Variants in GALNT13 observed in about 807,000 individuals in gnomAD.
The protein encoded by GALNT13 is polypeptide N-acetylgalactosaminyltransferase 13.
GALNT13 carries 28 observed loss-of-function variants against 64.2 expected under a neutral mutation model. The ratio of observed to expected loss-of-function variants is 0.44; its 90% CI spans 0.32 to 0.60. The LOEUF (loss-of-function observed/expected upper bound fraction) is 0.60. Among genes scored for constraint, GALNT13 ranks in the 20% least tolerant of loss-of-function variants. The pLI is 0.05. For synonymous variants in GALNT13, 214 were observed against 224.6 expected (o/e 0.95, Z 0.42); for missense variants, 577 against 669.8 (o/e 0.86, Z 1.53).
the GALNT13 span, among the ~76,000 whole-genome samples, chr2:153,422,776 T>G: frequency 6.6e-6 from 1 of 152,038 alleles, no homozygotes; most frequent in Non-Finnish European, 1.5e-5. Context: ...AATAAAAGTC[T>G]GAGTAATCCT....
At chr2:154,028,592 G>A (rs1472890714) in intron 3 of GALNT13, among the ~76,000 whole-genome samples, 1 of 152,012 alleles carries the variant, frequency 6.6e-6, no homozygotes, top group African/African-American at 2.4e-5. Flanking sequence ...GATTATTTTA[G>A]CCAGTTCATT....
chr2:153,128,359 G>C, the GALNT13 span, among the ~76,000 whole-genome samples: 1 of 152,140 alleles, frequency 6.6e-6, no homozygotes, highest in Non-Finnish European at 1.5e-5. Flanking sequence ...GAAAGAGCTT[G>C]TGCAGGTAAA....
intron 3 of GALNT13, among the ~76,000 whole-genome samples, chr2:154,125,471 C>T (rs2105528668): frequency 6.6e-6 from 1 of 152,182 alleles, no homozygotes; most frequent in South Asian, 2.1e-4. Flanking sequence ...TCAGTTATAT[C>T]TGAATAGTTA....
the GALNT13 span, among the ~76,000 whole-genome samples, chr2:153,336,497 G>T: frequency 1.3e-5 from 2 of 152,138 alleles, no homozygotes; most frequent in African/African-American, 2.4e-5. Context: ...TGCCCCCTTG[G>T]ATTTTGGACT....
the GALNT13 span, among the ~76,000 whole-genome samples, chr2:153,277,422 A>G: frequency 6.6e-6 from 1 of 152,298 alleles, no homozygotes; most frequent in African/African-American, 2.4e-5. Flanking sequence ...TCTGTGGTAT[A>G]TATGTATGAC....
At chr2:153,486,062 C>T in the GALNT13 span, among the ~76,000 whole-genome samples, 5 of 152,166 alleles carry the variant, frequency 3.3e-5, no homozygotes, top group Non-Finnish European at 5.9e-5. Context: ...CTCAGCCTCC[C>T]GAGTAGCTGG....
intron 2 of GALNT13, among the ~76,000 whole-genome samples, chr2:153,926,845 T>C (rs1690174436): frequency 6.6e-6 from 1 of 152,134 alleles, no homozygotes; most frequent in African/African-American, 2.4e-5. Context: ...AAAACATATA[T>C]CTTCCTCATT....
At chr2:154,245,729 A>C in intron 6 of GALNT13, 83 bp from the exon 7 acceptor site, 1 of 842,760 alleles carries the variant, frequency 1.2e-6, no homozygotes, top group Non-Finnish European at 1.8e-6. Context: ...AAATTTCCTC[A>C]TATCAGCTAT....
intron 3 of GALNT13, among the ~76,000 whole-genome samples, chr2:154,111,136 G>A (rs1316852066): frequency 6.6e-6 from 1 of 152,142 alleles, no homozygotes; most frequent in African/African-American, 2.4e-5. Flanking sequence ...TTCGTAGGTG[G>A]TATTGATGAC....
chr2:153,761,230 T>C, the GALNT13 span, among the ~76,000 whole-genome samples: 2 of 152,282 alleles, frequency 1.3e-5, no homozygotes, highest in Non-Finnish European at 2.9e-5. Flanking sequence ...TTCAAAGTAA[T>C]TAGTGATAGG....
chr2:153,784,642 A>T, the GALNT13 span, among the ~76,000 whole-genome samples: 1 of 152,170 alleles, frequency 6.6e-6, no homozygotes, highest in Non-Finnish European at 1.5e-5. Flanking sequence ...CGGGCTTCCC[A>T]GCAAAAGAGG....
chr2:153,689,338 C>T, the GALNT13 span, among the ~76,000 whole-genome samples: 1 of 151,904 alleles, frequency 6.6e-6, no homozygotes, highest in Non-Finnish European at 1.5e-5. Flanking sequence ...TGGATCTATT[C>T]TATTACTTAG....
At chr2:153,745,349 C>A in the GALNT13 span, among the ~76,000 whole-genome samples, 1 of 152,104 alleles carries the variant, frequency 6.6e-6, no homozygotes. Flanking sequence ...CTACTTAATT[C>A]TTTGATAGAA....
Position 154,140,463 on chromosome 2 carries a change from T to C in GALNT13, c.269T>C (p.Leu90Ser), listed in dbSNP as rs1232989471. The change falls in exon 4 of 13, where the codon TTG (leucine) becomes TCG (serine). Residue 90 changes from leucine to serine, a missense_variant. This residue lies in a region of GALNT13 where 341 missense variants were observed against 379.3 expected (regional missense o/e 0.90). Coordinates refer to ENST00000392825, the MANE Select transcript of GALNT13 (RefSeq NM_052917.4). ...INQFNLMASD[L>S]IALNRSLPDV... is the part of the protein sequence containing the mutation. ...CAGTTTAACCTTATGGCCAGTGATTTGATTGCCCTTAATAGAAGTCTGCCA... is the reference window on the plus strand; with the variant it reads ...CAGTTTAACCTTATGGCCAGTGATTCGATTGCCCTTAATAGAAGTCTGCCA... 6.2e-7 allele frequency: 1 copy of C among 1,612,672 alleles called. No individual in the cohort carries two copies. Among genetic ancestry groups the C allele is most frequent in the Non-Finnish European group, 8.5e-7 (1 of 1,178,934 alleles).
At chr2:153,501,916 G>T in the GALNT13 span, among the ~76,000 whole-genome samples, 6 of 151,954 alleles carry the variant, frequency 3.9e-5, no homozygotes, top group Admixed American at 3.9e-4. Context: ...CCTTAGCCAC[G>T]CCAAATGGCC....
At chr2:154,412,550 AT>A (rs914081435) in intron 11 of GALNT13, among the ~76,000 whole-genome samples, 123 of 148,990 alleles carry the variant, frequency 8.3e-4, no homozygotes, top group African/African-American at 1.9e-3. Flanking sequence ...AAAAAAAGGT[AT>A]TTTTTTTTTG....
At chr2:153,506,072 AGAC>A in the GALNT13 span, among the ~76,000 whole-genome samples, 1 of 152,162 alleles carries the variant, frequency 6.6e-6, no homozygotes, top group Non-Finnish European at 1.5e-5. Context: ...ATTTTCCTGT[AGAC>A]TAGAACTTTT....
At chr2:153,266,779 C>T in the GALNT13 span, among the ~76,000 whole-genome samples, 3 of 152,164 alleles carry the variant, frequency 2.0e-5, no homozygotes, top group African/African-American at 7.2e-5. Context: ...AGAGCCAAAG[C>T]ATATCATTCA....
chr2:153,805,196 A>G, the GALNT13 span, among the ~76,000 whole-genome samples: 1 of 152,136 alleles, frequency 6.6e-6, no homozygotes, highest in East Asian at 1.9e-4. Context: ...AGAAAGCTCA[A>G]CATTTAGATA....
Sources: gnomAD v4.1 joint callset for allele counts (sites outside exome capture counted in the v4.1 genomes callset) on GRCh38, gnomAD v4.1.1 for gene constraint, gnomAD v4.1.1 regional missense constraint, MANE v1.5 for transcripts, NCBI Gene and HGNC (gene_info 2026-07-23, HGNC 2026-07-21) for gene names.